FERMT2: variants seen among roughly 807,000 people sequenced by gnomAD.
The protein encoded by FERMT2 is fermitin family homolog 2.
In FERMT2, 15 loss-of-function variants were observed where a neutral mutation model predicts 82.7. The observed-to-expected ratio is 0.18, with a 90% CI of 0.12 to 0.28. FERMT2 has a LOEUF of 0.28. FERMT2 is among the 10% of genes least tolerant of loss of function. The pLI, the probability that FERMT2 is intolerant of heterozygous loss-of-function variation, is 1.00. For missense variants in FERMT2, 645 were observed against 809.4 expected, an observed-to-expected ratio of 0.80 and a Z score of 2.46; for synonymous variants, 274 against 271.5, an observed-to-expected ratio of 1.01 and a Z score of -0.09.
chr14:52,874,103 T>TA, intron 9 of FERMT2, 74 bp downstream of exon 9: 2 of 940,874 alleles, frequency 2.1e-6, no homozygotes, highest in Non-Finnish European at 3.2e-6. Flanking sequence ...ACTTAACAGT[T>TA]AGTTTCAATA....
intron 2 of FERMT2, among the ~76,000 whole-genome samples, chr14:52,936,734 G>C (rs1889853033): frequency 6.6e-6 from 1 of 152,074 alleles, no homozygotes; most frequent in African/African-American, 2.4e-5. Flanking sequence ...TCAGATCTCA[G>C]CTTAAAAGTC....
chr14:52,858,574 A>C, intron 14 of FERMT2, 24 bp from the exon 15 acceptor site: 1 of 1,610,038 alleles, frequency 6.2e-7, no homozygotes, highest in Non-Finnish European at 8.5e-7. Context: ...AAGAGCCATC[A>C]GTGCTGTCCC....
At chr14:52,898,496 A>C (rs1887430550) in intron 3 of FERMT2, among the ~76,000 whole-genome samples, 1 of 152,228 alleles carries the variant, frequency 6.6e-6, no homozygotes, top group African/African-American at 2.4e-5. Context: ...TGAACCTAAG[A>C]TTTATCTAAT....
chr14:52,860,258 A>G, intron 13 of FERMT2, 83 bp downstream of exon 13: 1 of 1,203,064 alleles, frequency 8.3e-7, no homozygotes, highest in Non-Finnish European at 1.2e-6. Context: ...GGTATGCTTT[A>G]GATGTTTAAT....
intron 2 of FERMT2, among the ~76,000 whole-genome samples, chr14:52,920,419 C>T (rs1888892467): frequency 6.6e-6 from 1 of 152,048 alleles, no homozygotes; most frequent in Admixed American, 6.6e-5. Context: ...TCGCTTGAGC[C>T]CATGAGTTCG....
intron 10 of FERMT2, 33 bp from the exon 11 acceptor site, chr14:52,864,886 AT>A: frequency 8.1e-7 from 1 of 1,233,952 alleles, no homozygotes; most frequent in Non-Finnish European, 1.2e-6. Context: ...AAATGGCTAA[AT>A]TTACTTTTAA....
In FERMT2 at chr14:52,914,732, C is replaced by T. The variant is rs558296385; in HGVS notation, c.391+4391G>A. 6.0e-4 allele frequency among the ~76,000 whole-genome samples: 91 copies of T among 152,082 alleles called. 1 individual carries two copies. Among genetic ancestry groups the T allele is most frequent in the African/African-American group, 2.1e-3 (87 of 41,480 alleles). ...GTCAAGAGTTCCAGACCAGCCTGGCCCACATGGCAAAACCCCGTCTCTACT... is the reference window on the plus strand; with the variant it reads ...GTCAAGAGTTCCAGACCAGCCTGGCTCACATGGCAAAACCCCGTCTCTACT... On this transcript the variant is annotated intron_variant, in intron 3 of 14. Coordinates refer to ENST00000341590, the MANE Select transcript of FERMT2 (RefSeq NM_006832.3).
At chr14:52,918,842 C>T (rs577944849) in intron 3 of FERMT2, among the ~76,000 whole-genome samples, 2 of 152,188 alleles carry the variant, frequency 1.3e-5, no homozygotes, top group South Asian at 2.1e-4. Flanking sequence ...TGTATGTTCC[C>T]CTGAAAATAG....
At chr14:52,939,515 C>T (rs955204081) in intron 2 of FERMT2, among the ~76,000 whole-genome samples, 2 of 152,112 alleles carry the variant, frequency 1.3e-5, no homozygotes, top group South Asian at 4.1e-4. Flanking sequence ...TAATTATCAT[C>T]ATAGCTACAT....
intron 8 of FERMT2, among the ~76,000 whole-genome samples, chr14:52,874,757 A>G (rs1482040660): frequency 2.1e-4 from 32 of 152,202 alleles, no homozygotes; most frequent in Admixed American, 2.1e-3. Flanking sequence ...TATTAGATCT[A>G]TTCTTACTGT....
intron 2 of FERMT2, among the ~76,000 whole-genome samples, chr14:52,926,579 G>C (rs927892418): frequency 6.6e-6 from 1 of 152,020 alleles, no homozygotes; most frequent in Admixed American, 6.6e-5. Context: ...ATTTCTCCAA[G>C]GTCATGATTT....
chr14:52,936,572 C>G (rs117238567), intron 2 of FERMT2, among the ~76,000 whole-genome samples: 1,806 of 152,286 alleles, frequency 0.012, 53 homozygotes, highest in East Asian at 0.074. Context: ...GCTCCCCCAT[C>G]ATCACCAGAC....
chr14:52,888,271 G>A (rs377731601), intron 4 of FERMT2, among the ~76,000 whole-genome samples: 5 of 152,112 alleles, frequency 3.3e-5, no homozygotes, highest in African/African-American at 7.2e-5. Flanking sequence ...ATTAGTATTC[G>A]TATTAGATGT....
chr14:52,860,633 T>C, intron 12 of FERMT2, 168 bp from the exon 13 acceptor site: 1 of 622,072 alleles, frequency 1.6e-6, no homozygotes, highest in Non-Finnish European at 2.7e-6. Flanking sequence ...TAATGTAATG[T>C]ATAAGGATTT....
chr14:52,924,784 A>T (rs1424473740), intron 2 of FERMT2, among the ~76,000 whole-genome samples: 1 of 152,252 alleles, frequency 6.6e-6, no homozygotes, highest in Non-Finnish European at 1.5e-5. Flanking sequence ...TAGCTGGTAG[A>T]TAGAAAGGAA....
intron 14 of FERMT2, chr14:52,858,806 G>T (rs1411739068): frequency 2.8e-6 from 1 of 354,240 alleles, no homozygotes; most frequent in Admixed American, 4.1e-5. Context: ...AGGTCGTTCA[G>T]TTCTCAAATG....
chr14:52,859,817 ATTCTT>A (rs1884793309), intron 13 of FERMT2, 103 bp from the exon 14 acceptor site: 2 of 604,144 alleles, frequency 3.3e-6, no homozygotes, highest in Non-Finnish European at 5.2e-6. Flanking sequence ...AAAGAGTACT[ATTCTT>A]TTTTTTTTTT....
chr14:52,860,268 TATCTA>T (rs1268132230), intron 13 of FERMT2, 68 bp downstream of exon 13: 2 of 1,334,534 alleles, frequency 1.5e-6, no homozygotes, highest in African/African-American at 1.4e-5. Context: ...AGATGTTTAA[TATCTA>T]ATTACATGAG....
intron 4 of FERMT2, among the ~76,000 whole-genome samples, chr14:52,883,106 T>C (rs1037548703): frequency 6.6e-6 from 1 of 152,082 alleles, no homozygotes; most frequent in African/African-American, 2.4e-5. Context: ...TGAGCCAAGA[T>C]TGCATCAATG....
Sources: allele counts gnomAD v4.1 joint callset (sites outside exome capture counted in the v4.1 genomes callset), GRCh38; gene constraint gnomAD v4.1.1; transcripts MANE v1.5; gene names NCBI Gene and HGNC (gene_info 2026-07-23, HGNC 2026-07-21).